PDE4D: variants seen among roughly 807,000 people sequenced by gnomAD.
PDE4D encodes the protein 3',5'-cyclic-AMP phosphodiesterase 4D.
In PDE4D, 24 loss-of-function variants were observed where a neutral mutation model predicts 87.4. The observed-to-expected ratio is 0.27, with a 90% CI of 0.20 to 0.39. PDE4D has a LOEUF of 0.39. PDE4D is among the 10% of genes least tolerant of loss of function. PDE4D has a pLI of 1.00. For synonymous variants in PDE4D, 384 were observed against 383.2 expected (o/e 1.00, Z -0.02); for missense variants, 714 against 1,041.0 (o/e 0.69, Z 4.32).
At chr5:59,940,556 G>T (rs6894178) in intron 3 of PDE4D, among the ~76,000 whole-genome samples, 5,632 of 152,224 alleles carry the variant, frequency 0.037, 361 homozygotes, top group African/African-American at 0.13. Flanking sequence ...TCAGAGTTTT[G>T]ATTTTGAAAG....
At chr5:59,953,627 A>T (rs1758526264) in intron 3 of PDE4D, among the ~76,000 whole-genome samples, 1 of 152,214 alleles carries the variant, frequency 6.6e-6, no homozygotes, top group Non-Finnish European at 1.5e-5. Context: ...TTGACAAGAC[A>T]TTACAAAGGC....
intron 5 of PDE4D, among the ~76,000 whole-genome samples, chr5:59,053,661 G>GT (rs1223091433): frequency 0.011 from 1,032 of 89,780 alleles, 24 homozygotes; most frequent in Non-Finnish European, 0.02. Flanking sequence ...TTTTGTTGTT[G>GT]TTTTTTTTTT....
At chr5:59,174,925 C>G (rs1783588466) in intron 5 of PDE4D, among the ~76,000 whole-genome samples, 1 of 152,054 alleles carries the variant, frequency 6.6e-6, no homozygotes, top group Non-Finnish European at 1.5e-5. Context: ...GCATGAAAAT[C>G]CTCTAATTGA....
At chr5:59,484,520 G>A (rs1804779630) in intron 1 of PDE4D, among the ~76,000 whole-genome samples, 1 of 152,094 alleles carries the variant, frequency 6.6e-6, no homozygotes, top group South Asian at 2.1e-4. Context: ...AACACTGTGT[G>A]GAGCCAGACC....
At chr5:59,668,922 A>AAGAAGAAGAAGAAGAAGAAGAAG (rs199660442) in intron 1 of PDE4D, among the ~76,000 whole-genome samples, 1 of 56,904 alleles carries the variant, frequency 1.8e-5, no homozygotes, top group African/African-American at 8.2e-5. Flanking sequence ...GAAGAAGAAG[A>AAGAAGAAGAAGAAGAAGAAGAAG]AAGAAAGAAA....
intron 1 of PDE4D, among the ~76,000 whole-genome samples, chr5:59,241,658 A>G (rs1322463298): frequency 6.6e-6 from 1 of 152,212 alleles, no homozygotes; most frequent in Non-Finnish European, 1.5e-5. Flanking sequence ...GAGAAATTCC[A>G]CTGACACTCA....
chr5:59,642,751 A>G (rs1377589325), intron 1 of PDE4D, among the ~76,000 whole-genome samples: 1 of 152,326 alleles, frequency 6.6e-6, no homozygotes, highest in Non-Finnish European at 1.5e-5. Context: ...TAAGAACAAA[A>G]TCCTAAAAAA....
intron 1 of PDE4D, among the ~76,000 whole-genome samples, chr5:60,238,483 C>T (rs912529178): frequency 2.0e-5 from 3 of 151,984 alleles, no homozygotes; most frequent in Admixed American, 6.6e-5. Flanking sequence ...TAAGTAAAGT[C>T]AAACTGACTT....
chr5:59,164,940 A>T (rs1365839220), intron 5 of PDE4D: 1 of 152,108 alleles, frequency 6.6e-6, no homozygotes, highest in African/African-American at 2.4e-5. Flanking sequence ...AGCATAAAAG[A>T]GGCATCAATA....
At chr5:60,327,177 G>A (rs951107033) in intron 1 of PDE4D, among the ~76,000 whole-genome samples, 2 of 152,080 alleles carry the variant, frequency 1.3e-5, no homozygotes, top group African/African-American at 4.8e-5. Flanking sequence ...ACATGACACA[G>A]GAGCCCTCAT....
intron 2 of PDE4D, among the ~76,000 whole-genome samples, chr5:60,033,676 G>C (rs1767480089): frequency 6.6e-6 from 1 of 152,152 alleles, no homozygotes; most frequent in South Asian, 2.1e-4. Context: ...TAAGGATTTA[G>C]AGATTCTACC....
chr5:60,338,303 A>C lies in PDE4D; in HGVS notation c.-90+149639T>G, dbSNP rs908985651. Among the ~76,000 whole-genome samples, 13 of 152,208 alleles carry C rather than the reference A, an allele frequency of 8.5e-5. No individual in the cohort carries two copies. In the East Asian group the frequency reaches 1.2e-3, roughly 14 times the overall value. On this transcript the variant is annotated intron_variant, in intron 1 of 16. Transcript: ENST00000502484. Reference sequence around the variant, plus strand: ...AAGTCTTCATCACTAAGGACAGAAAATGAGCAAAAACCCAGGCGCGCAAGA... The same window carrying C: ...AAGTCTTCATCACTAAGGACAGAAACTGAGCAAAAACCCAGGCGCGCAAGA...
intron 1 of PDE4D, among the ~76,000 whole-genome samples, chr5:60,193,803 C>T (rs1359989085): frequency 6.6e-6 from 1 of 151,060 alleles, no homozygotes; most frequent in Non-Finnish European, 1.5e-5. Flanking sequence ...TTTCAACCAG[C>T]TTTGTACCCT....
At chr5:60,050,571 C>T (rs905591904) in intron 2 of PDE4D, among the ~76,000 whole-genome samples, 2 of 152,228 alleles carry the variant, frequency 1.3e-5, no homozygotes, top group African/African-American at 4.8e-5. Flanking sequence ...GTAACAGCCA[C>T]TGCAAAAACA....
In PDE4D at chr5:59,934,963, T is replaced by G. The variant is rs755349206; in HGVS notation, c.272+53525A>C. Among the ~76,000 whole-genome samples, 5 of 152,112 alleles carry G rather than the reference T, an allele frequency of 3.3e-5. No homozygotes were observed. In the East Asian group the frequency reaches 7.7e-4, roughly 23 times the overall value. On this transcript the variant is annotated intron_variant, in intron 3 of 16. Transcript: ENST00000502484. ...AATGTCAGAATAAAGAGTTAAAAAT[T>G]TATTCCACCGTAAATATAATCACTG...
intron 1 of PDE4D, among the ~76,000 whole-genome samples, chr5:59,348,926 AT>A (rs150972508): frequency 6.6e-6 from 1 of 151,804 alleles, no homozygotes; most frequent in African/African-American, 2.4e-5. Flanking sequence ...TAAAATATAT[AT>A]TTTTTAAGCC....
chr5:60,165,746 C>G (rs1341502642), intron 2 of PDE4D, among the ~76,000 whole-genome samples: 1 of 149,664 alleles, frequency 6.7e-6, no homozygotes, highest in Non-Finnish European at 1.5e-5. Flanking sequence ...AATATAATAA[C>G]ATTTAACCTT....
chr5:59,353,733 G>A lies in PDE4D; in HGVS notation c.456-137765C>T, dbSNP rs149808090. Among the ~76,000 whole-genome samples the A allele has an allele frequency of 1.1e-3, 174 of 151,418 alleles. 4 individuals are homozygous for A. The highest frequency in any genetic ancestry group is 9.5e-3 in the Admixed American group (144 of 15,166). ...CGGCCCTGCTCCCCTCCTCTCCCCT[G>A]CCTTTCCTTCCCTCTCCCTCTTCTT... On this transcript the variant is annotated intron_variant, in intron 1 of 14. Coordinates refer to ENST00000340635, the MANE Select transcript of PDE4D (RefSeq NM_001104631.2).
At chr5:59,628,434 G>T (rs988716042) in intron 1 of PDE4D, among the ~76,000 whole-genome samples, 2 of 152,086 alleles carry the variant, frequency 1.3e-5, no homozygotes, top group Non-Finnish European at 2.9e-5. Context: ...AGCCACTAAT[G>T]GATATTTAAA....
Sources: allele counts gnomAD v4.1 joint callset (sites outside exome capture counted in the v4.1 genomes callset), GRCh38; gene constraint gnomAD v4.1.1; transcripts MANE v1.5; gene names NCBI Gene and HGNC (gene_info 2026-07-23, HGNC 2026-07-21).